Variants in CCDC171 observed in about 807,000 individuals in gnomAD.
CCDC171 encodes coiled-coil domain containing 171.
Under a neutral mutation model 168.2 loss-of-function variants are expected in CCDC171, and 177 were observed. The observed-to-expected ratio is 1.05, with a 90% CI of 0.93 to 1.19. The LOEUF is 1.19. Ranked by LOEUF, CCDC171 falls within the 50% of genes most tolerant of loss-of-function variation. The pLI is 0.00. For synonymous variants in CCDC171, 687 were observed against 540.8 expected (o/e 1.27, Z -3.75); for missense variants, 1,991 against 1,539.0 (o/e 1.29, Z -4.91).
intron 1 of CCDC171, among the ~76,000 whole-genome samples, chr9:15,562,031 G>A (rs753903317): frequency 2.0e-5 from 3 of 151,878 alleles, no homozygotes; most frequent in African/African-American, 4.8e-5. Flanking sequence ...GTCTTACTCT[G>A]TAGCCCAGGC....
intron 3 of CCDC171, among the ~76,000 whole-genome samples, chr9:15,998,259 G>A (rs955422337): frequency 4.6e-5 from 7 of 152,126 alleles, no homozygotes; most frequent in African/African-American, 1.7e-4. Flanking sequence ...CCTGGAGTAC[G>A]GTGCCTCATC....
intron 1 of CCDC171, among the ~76,000 whole-genome samples, chr9:16,046,165 G>C (rs1206139525): frequency 6.6e-6 from 1 of 152,214 alleles, no homozygotes; most frequent in Non-Finnish European, 1.5e-5. Flanking sequence ...CTATGGGTTG[G>C]TGAGTGTGAG....
rs1159142668 is a variant in CCDC171 at position 15,999,815 on chromosome 9, C to T, written n.369-20774C>T. On this transcript the variant is annotated intron_variant and non_coding_transcript_variant, in intron 3 of 9. Coordinates refer to the CCDC171 transcript ENST00000486641. ...AGGTCTCTGCTCTTAGATTCCACAA[C>T]TTATCTGGAGACGGGGGAGAGGAAA... Among the ~76,000 whole-genome samples, 4 of 152,316 alleles carry T rather than the reference C, an allele frequency of 2.6e-5. No individual in the cohort carries two copies. In the South Asian group the frequency reaches 8.3e-4, roughly 32 times the overall value.
chr9:15,661,160 G>A (rs571436610), intron 8 of CCDC171, among the ~76,000 whole-genome samples: 7 of 151,926 alleles, frequency 4.6e-5, no homozygotes, highest in South Asian at 2.1e-4. Flanking sequence ...GGCGCCTGTA[G>A]TCCCAGCTAC....
At chr9:15,898,140 AG>A (rs1821145678) in intron 24 of CCDC171, among the ~76,000 whole-genome samples, 1 of 152,230 alleles carries the variant, frequency 6.6e-6, no homozygotes, top group South Asian at 2.1e-4. Context: ...TGTTATAACC[AG>A]GGTCCAGGCA....
At position 15,657,158 on chromosome 9, in the gene CCDC171, A is replaced by G. The variant is rs762681982; in HGVS notation, c.854A>G (p.Glu285Gly). 8 of 1,610,166 alleles carry G rather than the reference A, an allele frequency of 5.0e-6. 1 individual carries two copies. In the South Asian group the frequency reaches 6.6e-5, roughly 13 times the overall value. ...ATTLRVRKLE[E>G]NIEAERAAHL... Reference sequence around the variant, plus strand: ...ACTCTAAGAGTGAGGAAATTAGAAGAAAACATTGAAGCAGAAAGAGCAGCG... The same window carrying G: ...ACTCTAAGAGTGAGGAAATTAGAAGGAAACATTGAAGCAGAAAGAGCAGCG... The change falls in exon 8 of 26, where the codon GAA becomes GGA. Residue 285 changes from glutamate to glycine, a missense_variant. Glu to Gly is a moderately conservative substitution (Grantham distance 98). Transcript: ENST00000380701.
At chr9:15,718,494 G>T (rs530710388) in intron 11 of CCDC171, among the ~76,000 whole-genome samples, 1 of 152,364 alleles carries the variant, frequency 6.6e-6, no homozygotes, top group African/African-American at 2.4e-5. Context: ...GCAGTCGCCA[G>T]TTAATGGTTA....
chr9:16,039,714 C>T (rs1833541125), upstream of CCDC171, among the ~76,000 whole-genome samples: 1 of 152,108 alleles, frequency 6.6e-6, no homozygotes, highest in Admixed American at 6.6e-5. Flanking sequence ...AAGATGTGAC[C>T]CAGAATTTGC....
chr9:15,596,496 T>TGG (rs2042371553), intron 6 of CCDC171, among the ~76,000 whole-genome samples: 1 of 152,180 alleles, frequency 6.6e-6, no homozygotes, highest in Non-Finnish European at 1.5e-5. Context: ...TCTGTTCCAT[T>TGG]GGTCTATATC....
At chr9:15,794,189 G>C (rs923515950) in intron 21 of CCDC171, among the ~76,000 whole-genome samples, 2 of 152,116 alleles carry the variant, frequency 1.3e-5, no homozygotes, top group African/African-American at 2.4e-5. Context: ...CATGGACCGG[G>C]CATAGTGGCT....
chr9:15,890,026 G>A (rs959749688), intron 24 of CCDC171, among the ~76,000 whole-genome samples: 1 of 152,192 alleles, frequency 6.6e-6, no homozygotes, highest in Non-Finnish European at 1.5e-5. Context: ...TGTGAACTAA[G>A]ATACTGGCTT....
chr9:15,968,537 CTTTTT>C (rs35265243), intron 25 of CCDC171, among the ~76,000 whole-genome samples: 4 of 88,830 alleles, frequency 4.5e-5, no homozygotes, highest in Middle Eastern at 5.1e-3. Context: ...TTGTTGCTGG[CTTTTT>C]TTTTTTTTTT....
chr9:15,825,925 A>G (rs539686590), intron 21 of CCDC171, among the ~76,000 whole-genome samples: 1 of 152,266 alleles, frequency 6.6e-6, no homozygotes, highest in East Asian at 1.9e-4. Flanking sequence ...ATAATACTCC[A>G]TAGACTCTTC....
chr9:16,061,475 T>C (rs995408779), downstream of CCDC171: 1 of 152,226 alleles, frequency 6.6e-6, no homozygotes, highest in African/African-American at 2.4e-5. Context: ...TTATTTTCTC[T>C]CTTCCTGATT....
chr9:15,892,177 T>G (rs1463073061), intron 24 of CCDC171, among the ~76,000 whole-genome samples: 1 of 152,196 alleles, frequency 6.6e-6, no homozygotes, highest in African/African-American at 2.4e-5. Flanking sequence ...TCTCTTTCTA[T>G]TTGAATAGCC....
At chr9:15,797,343 A>C (rs374211436) in intron 21 of CCDC171, among the ~76,000 whole-genome samples, 2 of 152,062 alleles carry the variant, frequency 1.3e-5, no homozygotes, top group South Asian at 2.1e-4. Context: ...CAGCCTCTCA[A>C]GTAGCTAGGA....
At position 15,721,815 on chromosome 9, in the gene CCDC171, TGA is replaced by T; in HGVS notation, c.1370_1371del (p.Arg457IlefsTer17). 6.4e-7 allele frequency: 1 copy of T among 1,568,536 alleles called. No individual in the cohort carries two copies. The highest frequency in any genetic ancestry group is 8.6e-7 in the Non-Finnish European group (1 of 1,156,640). On this transcript the variant is annotated frameshift_variant, in exon 12 of 26. Coordinates refer to ENST00000380701, the MANE Select transcript of CCDC171 (RefSeq NM_173550.4). LOFTEE classifies it high-confidence loss of function. Reference protein sequence around the residue: ...DKPPSFSVVLERLRRTLTDYQ... With the variant: ...DKPPSFSVVLXRLRRTLTDYQ... ...AACCTCCCAGCTTCTCTGTTGTCCT[TGA>T]GAGATTGAGGCGTACCTTGACAGAT...
intron 10 of CCDC171, among the ~76,000 whole-genome samples, chr9:15,682,725 G>A (rs1348762859): frequency 1.3e-5 from 2 of 151,898 alleles, no homozygotes; most frequent in African/African-American, 4.8e-5. Flanking sequence ...GACATCCAAG[G>A]ACTTAACAAA....
At chr9:15,569,688 G>T (rs1300213477) in intron 2 of CCDC171, among the ~76,000 whole-genome samples, 1 of 151,506 alleles carries the variant, frequency 6.6e-6, no homozygotes, top group Non-Finnish European at 1.5e-5. Flanking sequence ...GGTGGCGGGC[G>T]CCTGTAGTCC....
Sources: gnomAD v4.1 joint callset for allele counts (sites outside exome capture counted in the v4.1 genomes callset) on GRCh38, gnomAD v4.1.1 for gene constraint, MANE v1.5 for transcripts, NCBI Gene and HGNC (gene_info 2026-07-23, HGNC 2026-07-21) for gene names.